Variants in MLANA observed in about 807,000 individuals in gnomAD.
MLANA encodes melan-A.
A neutral mutation model predicts 15.7 loss-of-function variants in MLANA; 21 were observed. The ratio of observed to expected loss-of-function variants is 1.33; its 90% CI spans 0.95 to 1.92. The LOEUF is 1.92. MLANA is among the 40% of genes most tolerant of loss of function. The pLI is 0.00. For synonymous variants in MLANA, 56 were observed against 51.5 expected (o/e 1.09, Z -0.37); for missense variants, 164 against 143.8 (o/e 1.14, Z -0.72).
chr9:5,895,284 G>C (rs1831938551), intron 2 of MLANA, among the ~76,000 whole-genome samples: 1 of 152,108 alleles, frequency 6.6e-6, no homozygotes, highest in Admixed American at 6.6e-5. Flanking sequence ...ACTGCACATG[G>C]CCACCAATGT....
chr9:5,902,782 T>C (rs567435266), intron 3 of MLANA, among the ~76,000 whole-genome samples: 151 of 152,216 alleles, frequency 9.9e-4, no homozygotes, highest in African/African-American at 3.4e-3. Context: ...ACTGGCATTA[T>C]AGGCATGAGC....
chr9:5,908,601 T>C, intron 4 of MLANA, 39 bp from the exon 5 acceptor site: 3 of 1,546,610 alleles, frequency 1.9e-6, no homozygotes, highest in Non-Finnish European at 2.7e-6. Context: ...ACACATACAC[T>C]GTTGCCAAGC....
intron 3 of MLANA, chr9:5,899,088 C>T (rs1163555643): frequency 6.6e-6 from 1 of 152,236 alleles, no homozygotes; most frequent in Non-Finnish European, 1.5e-5. Flanking sequence ...CACTTCAGCA[C>T]TTCAGCACCC....
intron 1 of MLANA, among the ~76,000 whole-genome samples, chr9:5,891,560 C>T (rs1401650456): frequency 6.6e-6 from 1 of 152,138 alleles, no homozygotes. Context: ...ATGGGGATCA[C>T]ACCTTTGAAA....
intron 3 of MLANA, among the ~76,000 whole-genome samples, chr9:5,905,289 G>A (rs981189928): frequency 8.5e-5 from 13 of 152,122 alleles, no homozygotes; most frequent in African/African-American, 2.9e-4. Context: ...GGGACCCCAG[G>A]GAAACCTGAA....
chr9:5,905,819 A>T (rs1179543546), intron 3 of MLANA, among the ~76,000 whole-genome samples: 2 of 152,204 alleles, frequency 1.3e-5, no homozygotes, highest in African/African-American at 4.8e-5. Flanking sequence ...ATCATAACCC[A>T]ACCACCTCAG....
At chr9:5,901,592 T>A (rs548217232) in intron 3 of MLANA, among the ~76,000 whole-genome samples, 71 of 152,166 alleles carry the variant, frequency 4.7e-4, no homozygotes, top group Non-Finnish European at 8.7e-4. Context: ...AATCTCAGCT[T>A]ACTGTAACCT....
At chr9:5,891,189 GCCTC>G (rs1831636030) in intron 1 of MLANA, 1 of 152,228 alleles carries the variant, frequency 6.6e-6, no homozygotes, top group Non-Finnish European at 1.5e-5. Flanking sequence ...GGGAGAAGCA[GCCTC>G]CCTGAGGTAG....
intron 3 of MLANA, 40 bp from the exon 4 acceptor site, chr9:5,906,845 C>A: frequency 7.6e-7 from 1 of 1,322,244 alleles, no homozygotes. Context: ...GATTCAGTTA[C>A]TTCTTCTCAC....
At position 5,908,785 on chromosome 9, in the gene MLANA, G is replaced by C; in HGVS notation, c.*77G>C. 2 of 1,395,798 alleles carry C rather than the reference G, an allele frequency of 1.4e-6. No homozygotes were observed. Among genetic ancestry groups the C allele is most frequent in the South Asian group, 2.4e-5 (2 of 84,756 alleles). 86.5% of individuals were successfully genotyped at this position (1,395,798 alleles called of 1,614,324 possible). A position where few individuals can be genotyped will look rare whatever the true frequency, so the allele number is the denominator to read the frequency against. On this transcript the variant is annotated 3_prime_UTR_variant, in exon 5 of 5. Transcript: ENST00000381477. ...CTTGAATTTAATACAGACATCTAATGTTCTCCTTTGGAATGGTGTAGGAAA... is the reference window on the plus strand; with the variant it reads ...CTTGAATTTAATACAGACATCTAATCTTCTCCTTTGGAATGGTGTAGGAAA...
At chr9:5,908,351 CGTTA>C (rs1253387728) in intron 4 of MLANA, among the ~76,000 whole-genome samples, 2 of 152,108 alleles carry the variant, frequency 1.3e-5, no homozygotes, top group Non-Finnish European at 2.9e-5. Context: ...TTCAATGATT[CGTTA>C]GTTAGGGCTT....
chr9:5,895,997 C>T (rs1586924263), intron 2 of MLANA, among the ~76,000 whole-genome samples: 1 of 152,194 alleles, frequency 6.6e-6, no homozygotes, highest in African/African-American at 2.4e-5. Context: ...CCTTCAGTCA[C>T]GAGAACACAC....
chr9:5,897,696 C>G (rs886821335), intron 3 of MLANA, 43 bp downstream of exon 3: 1 of 1,513,408 alleles, frequency 6.6e-7, no homozygotes, highest in African/African-American at 1.4e-5. Context: ...AAGTCCAGGG[C>G]CCTCTTTCCA....
intron 1 of MLANA, chr9:5,891,279 A>T (rs1364007194): frequency 6.6e-6 from 1 of 152,186 alleles, no homozygotes; most frequent in South Asian, 2.1e-4. Context: ...TTGCTGCACC[A>T]TTTGCCAAGG....
At chr9:5,908,546 A>C (rs558310703) in intron 4 of MLANA, 94 bp from the exon 5 acceptor site, 1 of 1,093,740 alleles carries the variant, frequency 9.1e-7, no homozygotes, top group Non-Finnish European at 1.4e-6. Flanking sequence ...GTCCACAGGG[A>C]AAGTATAAAT....
rs1380168949 is a variant in MLANA, at chr9:5,906,957, G to A, written c.247G>A (p.Asp83Asn). 1.9e-6 allele frequency: 3 copies of A among 1,599,954 alleles called. No individual in the cohort carries two copies. The highest frequency in any genetic ancestry group is 1.4e-5 in the African/African-American group (1 of 73,900). Residue 83 changes from aspartate to asparagine, a missense_variant, in exon 4 of 5, where the codon GAC becomes AAC. Transcript: ENST00000381477. ...RCPQEGFDHRDSKVSLQEKNC... is the reference protein window; with the variant it reads ...RCPQEGFDHRNSKVSLQEKNC... ...CCCACAAGAAGGGTTTGATCATCGG[G>A]ACAGCAAAGTGTCTCTTCAAGAGAA...
chr9:5,892,322 G>A (rs929928338), intron 1 of MLANA, 128 bp from the exon 2 acceptor site: 13 of 518,508 alleles, frequency 2.5e-5, no homozygotes, highest in Non-Finnish European at 4.2e-5. Flanking sequence ...TCCCCTCACA[G>A]AGAGAAACCA....
At chr9:5,907,682 G>A (rs1235618368) in intron 4 of MLANA, among the ~76,000 whole-genome samples, 1 of 152,208 alleles carries the variant, frequency 6.6e-6, no homozygotes, top group Non-Finnish European at 1.5e-5. Flanking sequence ...GCTGGGCATG[G>A]TGGCTCACAC....
intron 2 of MLANA, among the ~76,000 whole-genome samples, chr9:5,895,515 A>G (rs1164748020): frequency 6.6e-6 from 1 of 152,222 alleles, no homozygotes; most frequent in Non-Finnish European, 1.5e-5. Context: ...TGGAATGAAG[A>G]AGAATGATGC....
Sources: allele counts gnomAD v4.1 joint callset (sites outside exome capture counted in the v4.1 genomes callset), GRCh38; gene constraint gnomAD v4.1.1; transcripts MANE v1.5; gene names NCBI Gene and HGNC (gene_info 2026-07-23, HGNC 2026-07-21).